GPC6: variants seen among roughly 807,000 people sequenced by gnomAD.
GPC6 encodes the protein glypican 6.
Under a neutral mutation model 55.2 loss-of-function variants are expected in GPC6, and 14 were observed. That is an observed-to-expected ratio of 0.25 (90% CI 0.17 to 0.40). The LOEUF (loss-of-function observed/expected upper bound fraction) is 0.40, where lower values mean the gene tolerates loss of function less well. Among genes scored for constraint, GPC6 ranks in the 10% least tolerant of loss-of-function variants. The pLI is 1.00. For missense variants in GPC6, 641 were observed against 708.5 expected (o/e 0.90, Z 1.08); for synonymous variants, 278 against 259.6 (o/e 1.07, Z -0.68).
intron 6 of GPC6, among the ~76,000 whole-genome samples, chr13:94,341,894 C>G (rs1392472382): frequency 6.6e-6 from 1 of 152,088 alleles, no homozygotes; most frequent in Non-Finnish European, 1.5e-5. Context: ...AAAACTGAGT[C>G]AAAGGTAAAT....
At chr13:93,291,540 T>G (rs1385885178) in intron 1 of GPC6, among the ~76,000 whole-genome samples, 1 of 152,132 alleles carries the variant, frequency 6.6e-6, no homozygotes, top group Non-Finnish European at 1.5e-5. Flanking sequence ...AATTTACTTA[T>G]TTTATTATAG....
At chr13:93,733,439 A>C (rs1883895486) in intron 2 of GPC6, among the ~76,000 whole-genome samples, 1 of 151,802 alleles carries the variant, frequency 6.6e-6, no homozygotes, top group African/African-American at 2.4e-5. Context: ...TATCTTTAGA[A>C]AAATGTCACT....
chr13:93,260,030 CTT>C, intron 1 of GPC6, among the ~76,000 whole-genome samples: 1 of 151,990 alleles, frequency 6.6e-6, no homozygotes, highest in East Asian at 1.9e-4. Context: ...AAATAAAAGA[CTT>C]TGTAATATGA....
intron 1 of GPC6, among the ~76,000 whole-genome samples, chr13:93,415,982 A>T (rs1876683222): frequency 6.6e-6 from 1 of 152,064 alleles, no homozygotes; most frequent in Non-Finnish European, 1.5e-5. Context: ...GTAATTTTTG[A>T]ATGACAGAAA....
intron 1 of GPC6, among the ~76,000 whole-genome samples, chr13:93,515,823 A>G (rs1197214428): frequency 1.3e-5 from 2 of 152,196 alleles, no homozygotes; most frequent in African/African-American, 2.4e-5. Context: ...CTCACTATTA[A>G]GGATCCACAA....
intron 3 of GPC6, among the ~76,000 whole-genome samples, chr13:93,988,398 T>G (rs1594645351): frequency 1.3e-5 from 2 of 152,256 alleles, no homozygotes; most frequent in East Asian, 3.9e-4. Context: ...AGTGTACCTT[T>G]CGGATAGGAC....
At chr13:94,258,796 T>C (rs1184389733) in intron 4 of GPC6, among the ~76,000 whole-genome samples, 2 of 152,194 alleles carry the variant, frequency 1.3e-5, no homozygotes, top group African/African-American at 4.8e-5. Context: ...CATTGATTAT[T>C]TCTGAGGCTC....
intron 1 of GPC6, among the ~76,000 whole-genome samples, chr13:93,240,787 T>A (rs1249281025): frequency 6.6e-6 from 1 of 152,172 alleles, no homozygotes; most frequent in Non-Finnish European, 1.5e-5. Flanking sequence ...AGAACTTTCA[T>A]TCTGATGTTT....
chr13:93,663,171 A>G (rs1338622165), intron 2 of GPC6, among the ~76,000 whole-genome samples: 2 of 152,162 alleles, frequency 1.3e-5, no homozygotes, highest in Non-Finnish European at 2.9e-5. Context: ...GCTAGACATA[A>G]AAAGCCTCCT....
In GPC6 at chr13:93,584,013, G is replaced by T. The variant is rs541574740; in HGVS notation, c.319+38592G>T. Among the ~76,000 whole-genome samples the T allele has an allele frequency of 1.8e-3, 267 of 152,312 alleles. 1 individual carries two copies. Among genetic ancestry groups the T allele is most frequent in the African/African-American group, 5.1e-3 (213 of 41,572 alleles). ...CATCTTAGCTACATGGCCGCATAAA[G>T]TTGGAAATAGGTCTGGGAAATGTAT... On this transcript the variant is annotated intron_variant, in intron 2 of 8. Transcript: ENST00000377047.
intron 3 of GPC6, among the ~76,000 whole-genome samples, chr13:93,981,220 A>G (rs374649801): frequency 2.0e-5 from 3 of 152,102 alleles, no homozygotes; most frequent in Non-Finnish European, 4.4e-5. Flanking sequence ...ACATGTAGCT[A>G]TTTCTGAGTT....
intron 1 of GPC6, among the ~76,000 whole-genome samples, chr13:93,498,913 T>C (rs1480555196): frequency 1.3e-5 from 2 of 152,206 alleles, no homozygotes; most frequent in Non-Finnish European, 2.9e-5. Flanking sequence ...TTGGATTATT[T>C]GTTAGCATAA....
At chr13:93,343,547 A>G (rs1200545521) in intron 1 of GPC6, among the ~76,000 whole-genome samples, 1 of 152,210 alleles carries the variant, frequency 6.6e-6, no homozygotes, top group African/African-American at 2.4e-5. Flanking sequence ...AAAAGCCAAC[A>G]CATTCCTTTC....
At chr13:93,735,119 C>T (rs1209927817) in intron 2 of GPC6, among the ~76,000 whole-genome samples, 1 of 152,094 alleles carries the variant, frequency 6.6e-6, no homozygotes, top group African/African-American at 2.4e-5. Flanking sequence ...AAGATAATTA[C>T]TGTTGTATGT....
At chr13:93,647,967 G>A (rs1880246053) in intron 2 of GPC6, among the ~76,000 whole-genome samples, 4 of 152,060 alleles carry the variant, frequency 2.6e-5, no homozygotes, top group African/African-American at 7.2e-5. Flanking sequence ...GCCTAAACAC[G>A]GGAGTGTTTG....
At chr13:93,629,456 G>A (rs1179724275) in intron 2 of GPC6, among the ~76,000 whole-genome samples, 4 of 152,012 alleles carry the variant, frequency 2.6e-5, no homozygotes, top group East Asian at 1.9e-4. Flanking sequence ...GCCTAGGTTC[G>A]AGCCATTGAA....
At chr13:93,972,330 C>T (rs968610620) in intron 3 of GPC6, among the ~76,000 whole-genome samples, 9 of 152,202 alleles carry the variant, frequency 5.9e-5, no homozygotes, top group African/African-American at 9.6e-5. Context: ...GAATAGGGAT[C>T]GACAGCCCTT....
intron 2 of GPC6, among the ~76,000 whole-genome samples, chr13:93,663,393 A>C (rs1017469390): frequency 1.3e-5 from 2 of 152,128 alleles, no homozygotes; most frequent in Non-Finnish European, 2.9e-5. Flanking sequence ...TCCCATAATA[A>C]ATTCCTTTTT....
upstream of GPC6, chr13:93,226,531 T>C (rs1297501280): frequency 2.6e-5 from 4 of 152,222 alleles, no homozygotes; most frequent in Non-Finnish European, 5.9e-5. Context: ...GGACACATAT[T>C]AAGAGCAACA....
Sources: gnomAD v4.1 joint callset for allele counts (sites outside exome capture counted in the v4.1 genomes callset) on GRCh38, gnomAD v4.1.1 for gene constraint, MANE v1.5 for transcripts, NCBI Gene and HGNC (gene_info 2026-07-23, HGNC 2026-07-21) for gene names.